Variants in PPP2R2B observed in about 807,000 individuals in gnomAD.
The protein encoded by PPP2R2B is protein phosphatase 2 regulatory subunit Bbeta, also known as serine/threonine-protein phosphatase 2A 55 kDa regulatory subunit B beta isoform.
A neutral mutation model predicts 46.0 loss-of-function variants in PPP2R2B; 5 were observed. The ratio of observed to expected loss-of-function variants is 0.11; its 90% CI spans 0.06 to 0.23. PPP2R2B has a LOEUF of 0.23. Ranked by LOEUF, PPP2R2B falls within the 10% of genes least tolerant of loss-of-function variation. The pLI is 1.00. For missense variants in PPP2R2B, 367 were observed against 575.0 expected (o/e 0.64, Z 3.70); for synonymous variants, 215 against 206.7 (o/e 1.04, Z -0.34).
intron 2 of PPP2R2B, among the ~76,000 whole-genome samples, chr5:146,753,442 C>A (rs1561880158): frequency 1.3e-5 from 2 of 152,236 alleles, no homozygotes; most frequent in East Asian, 3.9e-4. Context: ...TGGTGACACA[C>A]CATTTTGAAT....
At position 146,628,642 on chromosome 5, in the gene PPP2R2B, A is replaced by G. The variant is rs545761641; in HGVS notation, c.790+9609T>C. Among the ~76,000 whole-genome samples the G allele has an allele frequency of 1.4e-3, 215 of 152,322 alleles. 1 individual carries two copies. Among genetic ancestry groups the G allele is most frequent in the African/African-American group, 4.7e-3 (196 of 41,580 alleles). On this transcript the variant is annotated intron_variant, in intron 7 of 9. Coordinates refer to ENST00000394411, the MANE Select transcript of PPP2R2B (RefSeq NM_181675.4). ...GGAAGAAGGAAGGTCTGCCCAAACCACAATGGAATTAAGATGCTACTGCAG... is the reference window on the plus strand; with the variant it reads ...GGAAGAAGGAAGGTCTGCCCAAACCGCAATGGAATTAAGATGCTACTGCAG...
intron 2 of PPP2R2B, chr5:146,707,326 T>A: frequency 3.0e-6 from 3 of 1,014,096 alleles, no homozygotes; most frequent in Admixed American, 1.7e-5. Flanking sequence ...GTTGAAGGTC[T>A]TGATCTGCTC....
intron 5 of PPP2R2B, among the ~76,000 whole-genome samples, chr5:146,669,419 A>T (rs1777202126): frequency 6.6e-6 from 1 of 152,024 alleles, no homozygotes; most frequent in Non-Finnish European, 1.5e-5. Flanking sequence ...AGGTTTAAGG[A>T]AGTATATTTT....
chr5:146,777,087 C>T (rs1353708944), intron 2 of PPP2R2B, among the ~76,000 whole-genome samples: 1 of 152,000 alleles, frequency 6.6e-6, no homozygotes, highest in Non-Finnish European at 1.5e-5. Context: ...AAGTTATACA[C>T]AGAGTTAGGA....
intron 2 of PPP2R2B, among the ~76,000 whole-genome samples, chr5:146,784,329 T>C (rs1238780981): frequency 6.6e-6 from 1 of 152,188 alleles, no homozygotes; most frequent in African/African-American, 2.4e-5. Context: ...TCTTACATAT[T>C]TAAAAAATAA....
At chr5:146,932,050 C>T (rs917590267) in intron 1 of PPP2R2B, among the ~76,000 whole-genome samples, 59 of 152,268 alleles carry the variant, frequency 3.9e-4, no homozygotes, top group African/African-American at 1.3e-3. Flanking sequence ...ATTTCAAACT[C>T]TTTGAACCTT....
intron 1 of PPP2R2B, among the ~76,000 whole-genome samples, chr5:146,918,662 C>T (rs911726880): frequency 1.3e-5 from 2 of 152,146 alleles, no homozygotes; most frequent in Admixed American, 1.3e-4. Context: ...CTGGATGGGT[C>T]TGGTCTCATC....
intron 1 of PPP2R2B, among the ~76,000 whole-genome samples, chr5:146,967,016 T>C (rs1005077506): frequency 2.0e-5 from 3 of 152,204 alleles, no homozygotes; most frequent in Non-Finnish European, 4.4e-5. Context: ...AAATCCTTCT[T>C]ATAGTTTCAC....
chr5:146,802,817 T>G lies in PPP2R2B; in HGVS notation c.70+75185A>C, dbSNP rs145358118. On this transcript the variant is annotated intron_variant, in intron 2 of 9. Coordinates refer to ENST00000394411, the MANE Select transcript of PPP2R2B (RefSeq NM_181675.4). The stretch of plus-strand genomic sequence containing the variant: ...AAAAAAGGAGATCAAGCCTTTAACT[T>G]GTGCCCCAAGGCTCAGAAGCCAGCA... Among the ~76,000 whole-genome samples, 90 of 152,318 alleles carry G rather than the reference T, an allele frequency of 5.9e-4. 1 individual carries two copies. Among genetic ancestry groups the G allele is most frequent in the African/African-American group, 2.0e-3 (85 of 41,576 alleles).
chr5:146,745,160 CAGAGAG>C (rs747573157), intron 2 of PPP2R2B, among the ~76,000 whole-genome samples: 4,024 of 94,982 alleles, frequency 0.042, 41 homozygotes, highest in Non-Finnish European at 0.048. Flanking sequence ...CAGAGAAAGA[CAGAGAG>C]AGAGAGAGAG....
intron 7 of PPP2R2B, among the ~76,000 whole-genome samples, chr5:146,625,654 C>A (rs1774006499): frequency 6.6e-6 from 1 of 152,018 alleles, no homozygotes; most frequent in South Asian, 2.1e-4. Context: ...GAGGAATGTG[C>A]CTTAACTGAA....
intron 5 of PPP2R2B, among the ~76,000 whole-genome samples, chr5:146,690,100 C>T (rs1284573887): frequency 2.0e-5 from 3 of 152,242 alleles, no homozygotes; most frequent in African/African-American, 7.2e-5. Context: ...TTCCTCACAT[C>T]TACTTCACTG....
At chr5:146,855,308 A>C (rs927752155) in intron 2 of PPP2R2B, among the ~76,000 whole-genome samples, 2 of 152,120 alleles carry the variant, frequency 1.3e-5, no homozygotes, top group African/African-American at 4.8e-5. Context: ...TAAAAGCAAA[A>C]CCTGCTCTTA....
At chr5:146,909,286 T>C (rs1763103391) in intron 1 of PPP2R2B, among the ~76,000 whole-genome samples, 3 of 152,168 alleles carry the variant, frequency 2.0e-5, no homozygotes, top group Non-Finnish European at 1.5e-5. Flanking sequence ...AACTTATCAG[T>C]AAGTAGAGCA....
At chr5:147,077,620 A>AGTTG (rs1757828170) in intron 2 of PPP2R2B, among the ~76,000 whole-genome samples, 1 of 152,166 alleles carries the variant, frequency 6.6e-6, no homozygotes, top group Non-Finnish European at 1.5e-5. Context: ...TCACTCAACA[A>AGTTG]ATACTCAACT....
At chr5:146,666,443 C>A (rs761431157) in intron 5 of PPP2R2B, among the ~76,000 whole-genome samples, 7 of 152,198 alleles carry the variant, frequency 4.6e-5, no homozygotes, top group Non-Finnish European at 1.0e-4. Flanking sequence ...TTTGTCAGGG[C>A]AGGATTCTTA....
chr5:146,777,501 C>T (rs1003363431), intron 2 of PPP2R2B, among the ~76,000 whole-genome samples: 1 of 152,014 alleles, frequency 6.6e-6, no homozygotes. Context: ...TTAATGGGTG[C>T]AGTTTCTGTT....
At chr5:146,683,332 T>C (rs1417517029) in intron 5 of PPP2R2B, among the ~76,000 whole-genome samples, 2 of 152,192 alleles carry the variant, frequency 1.3e-5, no homozygotes, top group Non-Finnish European at 1.5e-5. Context: ...TATTAGGCAT[T>C]CTATTTTAGT....
intron 1 of PPP2R2B, among the ~76,000 whole-genome samples, chr5:146,995,630 A>C (rs1753890583): frequency 6.6e-6 from 1 of 152,204 alleles, no homozygotes; most frequent in Non-Finnish European, 1.5e-5. Flanking sequence ...CTGCATTGCT[A>C]CTACATGCCA....
Sources: allele counts gnomAD v4.1 joint callset (sites outside exome capture counted in the v4.1 genomes callset), GRCh38; gene constraint gnomAD v4.1.1; transcripts MANE v1.5; gene names NCBI Gene and HGNC (gene_info 2026-07-23, HGNC 2026-07-21).